Variants in EEFSEC observed in about 807,000 individuals in gnomAD.
EEFSEC encodes eukaryotic elongation factor, selenocysteine-tRNA specific.
In EEFSEC, 43 loss-of-function variants were observed where a neutral mutation model predicts 42.1. The ratio of observed to expected loss-of-function variants is 1.02; its 90% CI spans 0.80 to 1.32. EEFSEC has a LOEUF of 1.32. Ranked by LOEUF, EEFSEC falls within the 40% of genes most tolerant of loss-of-function variation. EEFSEC has a pLI of 0.00. For synonymous variants in EEFSEC, 354 were observed against 339.1 expected, an observed-to-expected ratio of 1.04 and a Z score of -0.48; for missense variants, 745 against 803.6, an observed-to-expected ratio of 0.93 and a Z score of 0.88.
Position 128,402,057 on chromosome 3 carries a change from C to T in EEFSEC, c.1601-6012C>T, listed in dbSNP as rs1031350146. ...CCAGCCAGATTGCACCGGTAGGCACCGTGCCTTCTCTGGGCTCCCAGCTGG... is the reference window on the plus strand; with the variant it reads ...CCAGCCAGATTGCACCGGTAGGCACTGTGCCTTCTCTGGGCTCCCAGCTGG... On this transcript the variant is annotated intron_variant, in intron 6 of 6. Transcript: ENST00000254730. Among the ~76,000 whole-genome samples the T allele has an allele frequency of 2.6e-5, 4 of 152,368 alleles. No homozygotes were observed. In the East Asian group the frequency reaches 5.8e-4, roughly 22 times the overall value.
At chr3:128,386,471 G>A (rs1358404440) in intron 6 of EEFSEC, among the ~76,000 whole-genome samples, 2 of 151,284 alleles carry the variant, frequency 1.3e-5, no homozygotes, top group Non-Finnish European at 2.9e-5. Context: ...TATCAGCTGA[G>A]ACAGGCAGTG....
At chr3:128,264,588 G>T in intron 3 of EEFSEC, 29 bp from the exon 4 acceptor site, 1 of 1,609,656 alleles carries the variant, frequency 6.2e-7, no homozygotes, top group Non-Finnish European at 8.5e-7. Flanking sequence ...CTCTCCCCAC[G>T]GACTGTGGCA....
At chr3:128,345,714 G>A (rs1242511952) in intron 5 of EEFSEC, among the ~76,000 whole-genome samples, 1 of 152,238 alleles carries the variant, frequency 6.6e-6, no homozygotes, top group Non-Finnish European at 1.5e-5. Flanking sequence ...ACCTGGGCTT[G>A]GGTCTCTGAG....
At chr3:128,259,493 CT>C (rs2066276334) in intron 2 of EEFSEC, among the ~76,000 whole-genome samples, 1 of 152,088 alleles carries the variant, frequency 6.6e-6, no homozygotes, top group Non-Finnish European at 1.5e-5. Flanking sequence ...GGTAGCATAC[CT>C]TTCAATCTAT....
intron 4 of EEFSEC, among the ~76,000 whole-genome samples, chr3:128,284,507 C>T (rs1304357200): frequency 1.1e-4 from 16 of 152,160 alleles, no homozygotes; most frequent in African/African-American, 3.9e-4. Flanking sequence ...GCTCCTTCCT[C>T]AGTTACTGGA....
At chr3:128,402,141 G>A (rs2068055401) in intron 6 of EEFSEC, among the ~76,000 whole-genome samples, 1 of 152,196 alleles carries the variant, frequency 6.6e-6, no homozygotes, top group African/African-American at 2.4e-5. Context: ...GAGTAACCCA[G>A]GGTCACAGTA....
At chr3:128,376,931 G>A (rs994609894) in intron 6 of EEFSEC, among the ~76,000 whole-genome samples, 7 of 152,160 alleles carry the variant, frequency 4.6e-5, no homozygotes, top group African/African-American at 1.7e-4. Context: ...GGGGGAAGAA[G>A]GCCCCATGGC....
chr3:128,399,071 T>G (rs2068016704), intron 6 of EEFSEC, among the ~76,000 whole-genome samples: 1 of 138,304 alleles, frequency 7.2e-6, no homozygotes, highest in Non-Finnish European at 1.5e-5. Context: ...GTTTTTTGCC[T>G]TAAAAAATAA....
At chr3:128,232,893 G>T (rs184683823) in intron 1 of EEFSEC, among the ~76,000 whole-genome samples, 12 of 152,142 alleles carry the variant, frequency 7.9e-5, no homozygotes, top group Non-Finnish European at 1.5e-4. Context: ...ATCACCCCCC[G>T]GACTCCTTGG....
Position 128,200,988 on chromosome 3 carries a change from A to G in EEFSEC, c.317-45848A>G, listed in dbSNP as rs368194860. Among the ~76,000 whole-genome samples the G allele has an allele frequency of 9.2e-5, 14 of 152,198 alleles. No individual in the cohort carries two copies. The East Asian group carries it at 2.1e-3, about 23-fold the overall frequency. ...CTGCTGGTGATCTGTGCTGCTGGTG[A>G]TCCTGGACTTGAGTTGGTCACAGTC... On this transcript the variant is annotated intron_variant, in intron 1 of 6. Transcript: ENST00000254730.
At chr3:128,371,361 C>T (rs1300011854) in intron 6 of EEFSEC, among the ~76,000 whole-genome samples, 1 of 152,166 alleles carries the variant, frequency 6.6e-6, no homozygotes, top group East Asian at 1.9e-4. Context: ...CCATCCTCTA[C>T]TGTGGGGCTG....
intron 1 of EEFSEC, among the ~76,000 whole-genome samples, chr3:128,233,529 T>A (rs1047489169): frequency 6.6e-6 from 1 of 152,238 alleles, no homozygotes; most frequent in Admixed American, 6.5e-5. Flanking sequence ...TCCATCCACA[T>A]CTTTACCAGC....
downstream of EEFSEC, among the ~76,000 whole-genome samples, chr3:128,409,528 G>T (rs1390839158): frequency 6.6e-6 from 1 of 152,230 alleles, no homozygotes; most frequent in East Asian, 1.9e-4. Flanking sequence ...CAGGCAGCAG[G>T]GCTGGAGCAG....
intron 1 of EEFSEC, among the ~76,000 whole-genome samples, chr3:128,158,329 T>TA (rs1043434994): frequency 4.6e-5 from 7 of 152,260 alleles, no homozygotes; most frequent in African/African-American, 1.7e-4. Flanking sequence ...ACTTAGTTGA[T>TA]AAAGCAGTGG....
intron 1 of EEFSEC, among the ~76,000 whole-genome samples, chr3:128,215,088 T>G (rs1478116774): frequency 6.6e-6 from 1 of 152,164 alleles, no homozygotes; most frequent in African/African-American, 2.4e-5. Context: ...GTGTAGTCTC[T>G]TCACCTCCTT....
chr3:128,352,661 C>T (rs1419134571), intron 5 of EEFSEC, among the ~76,000 whole-genome samples: 4 of 152,236 alleles, frequency 2.6e-5, no homozygotes, highest in Admixed American at 2.6e-4. Context: ...CATCTGCTGC[C>T]CCTGTAGTCC....
At chr3:128,327,045 C>A (rs2108048467) in intron 4 of EEFSEC, among the ~76,000 whole-genome samples, 1 of 152,292 alleles carries the variant, frequency 6.6e-6, no homozygotes, top group East Asian at 1.9e-4. Flanking sequence ...TTCTCAGAGA[C>A]CTTGCCTCAT....
chr3:128,393,618 T>TA (rs2067943355), intron 6 of EEFSEC, among the ~76,000 whole-genome samples: 1 of 152,178 alleles, frequency 6.6e-6, no homozygotes, highest in Non-Finnish European at 1.5e-5. Flanking sequence ...CTGTGGCCAC[T>TA]AAGAGATGCA....
intron 6 of EEFSEC, chr3:128,367,865 G>T: frequency 1.0e-6 from 1 of 982,264 alleles, no homozygotes; most frequent in Non-Finnish European, 1.2e-6. Flanking sequence ...CACTGGTGAC[G>T]CGTGCTGACT....
Sources: allele counts gnomAD v4.1 joint callset (sites outside exome capture counted in the v4.1 genomes callset), GRCh38; gene constraint gnomAD v4.1.1; transcripts MANE v1.5; gene names NCBI Gene and HGNC (gene_info 2026-07-23, HGNC 2026-07-21).